Variants in SLA2 observed in about 807,000 individuals in gnomAD.
SLA2 encodes the protein src-like-adapter 2.
SLA2 carries 22 observed loss-of-function variants against 27.3 expected under a neutral mutation model. The ratio of observed to expected loss-of-function variants is 0.81; its 90% CI spans 0.58 to 1.15. The LOEUF (loss-of-function observed/expected upper bound fraction) is 1.15. Ranked by LOEUF, SLA2 falls within the 50% of genes most tolerant of loss-of-function variation. The probability of loss-of-function intolerance (pLI) is 0.00; values close to 1 mark genes in which losing one functional copy is unlikely to be tolerated. For missense variants in SLA2, 304 were observed against 322.2 expected (o/e 0.94, Z 0.43); for synonymous variants, 131 against 137.8 (o/e 0.95, Z 0.34).
chr20:36,643,895 TGA>T (rs1978285609), intron 1 of SLA2, among the ~76,000 whole-genome samples: 2 of 152,062 alleles, frequency 1.3e-5, no homozygotes, highest in Admixed American at 6.6e-5. Context: ...GGGGCTGCAG[TGA>T]GCCGAGATTG....
rs1388685449 is a variant in SLA2, at chr20:36,636,619, AAAAAATATATATAT to A, written c.92-2044_92-2031del. Among the ~76,000 whole-genome samples the A allele has an allele frequency of 7.1e-3, 906 of 126,880 alleles. 13 individuals are homozygous for A. The highest frequency in any genetic ancestry group is 0.03 in the African/African-American group (839 of 28,192). The allele number at this position is 126,880 out of a possible 152,430, so 83.2% of individuals were successfully genotyped here. On this transcript the variant is annotated intron_variant, in intron 2 of 7. Transcript: ENST00000262866. The stretch of plus-strand genomic sequence containing the variant: ...AAACTCCATCTCAAAAAGAAAAAAA[AAAAAATATATATAT>A]ATATATATATATATATATATGGTTG...
intron 5 of SLA2, 83 bp from the exon 6 acceptor site, chr20:36,615,457 C>T (rs149835692): frequency 1.5e-5 from 24 of 1,574,868 alleles, no homozygotes; most frequent in South Asian, 5.7e-5. Flanking sequence ...AGATAGGCAA[C>T]GTGACCATGG....
chr20:36,619,220 GAAAA>G (rs60021707), intron 5 of SLA2, among the ~76,000 whole-genome samples: 1 of 71,294 alleles, frequency 1.4e-5, no homozygotes, highest in Non-Finnish European at 2.7e-5. Context: ...GACTCTGGGG[GAAAA>G]AAAAAAAAAA....
rs2039195848 is a variant in SLA2, at chr20:36,615,304, G to A, written c.453C>T (p.His151=). 3 of 1,614,186 alleles carry A rather than the reference G, an allele frequency of 1.9e-6. No homozygotes were observed. The highest frequency in any genetic ancestry group is 2.5e-6 in the Non-Finnish European group (3 of 1,180,038). The part of the protein sequence containing the change: ...SWDRIRHYRI[H]CLDNGWLYIS... ...TGTACAGCCAGCCATTGTCAAGGCAGTGGATCCTGTAGTGTCTGATCCGGT... is the reference window on the plus strand; with the variant it reads ...TGTACAGCCAGCCATTGTCAAGGCAATGGATCCTGTAGTGTCTGATCCGGT... The change falls in exon 6 of 8, where the codon CAC becomes CAT. Residue 151 remains histidine, a synonymous_variant. Transcript: ENST00000262866.
At chr20:36,615,071 C>T in intron 6 of SLA2, 154 bp downstream of exon 6, 1 of 985,412 alleles carries the variant, frequency 1.0e-6, no homozygotes, top group Non-Finnish European at 1.2e-6. Flanking sequence ...TCCCAGCCTG[C>T]ATTTCTTGGC....
intron 5 of SLA2, chr20:36,621,201 T>C: frequency 2.1e-6 from 1 of 482,860 alleles, no homozygotes; most frequent in Non-Finnish European, 4.1e-6. Flanking sequence ...ATGGTGGCGG[T>C]GGCGGAGGAT....
chr20:36,614,063 T>C, intron 7 of SLA2, 77 bp from the exon 8 acceptor site: 1 of 1,581,172 alleles, frequency 6.3e-7, no homozygotes. Context: ...AATTGCACTG[T>C]TCTCAAAACC....
chr20:36,640,110 C>A (rs556304695), intron 2 of SLA2, among the ~76,000 whole-genome samples: 1 of 151,968 alleles, frequency 6.6e-6, no homozygotes, highest in Admixed American at 6.6e-5. Context: ...GAGTTCAAGA[C>A]CAGCCTGGGC....
chr20:36,633,263 C>T (rs1219883745), intron 4 of SLA2, among the ~76,000 whole-genome samples: 4 of 152,104 alleles, frequency 2.6e-5, no homozygotes, highest in Non-Finnish European at 5.9e-5. Flanking sequence ...CCATCTCCTA[C>T]GTGGACTTTT....
intron 5 of SLA2, chr20:36,621,443 T>C (rs1396804625): frequency 2.0e-5 from 10 of 497,532 alleles, no homozygotes; most frequent in Non-Finnish European, 3.8e-5. Flanking sequence ...AAAAAGGCTA[T>C]AGTGTTGTTT....
chr20:36,627,659 A>C (rs1272591758), intron 5 of SLA2, among the ~76,000 whole-genome samples: 1 of 152,214 alleles, frequency 6.6e-6, no homozygotes, highest in Non-Finnish European at 1.5e-5. Flanking sequence ...GCCTGTCCCT[A>C]ACCCTGTGCT....
chr20:36,624,893 CT>C (rs775409961), intron 5 of SLA2, among the ~76,000 whole-genome samples: 44 of 152,162 alleles, frequency 2.9e-4, no homozygotes, highest in Non-Finnish European at 5.4e-4. Flanking sequence ...GAGGAGGTGA[CT>C]TTGGTTCTGT....
At chr20:36,619,648 T>G (rs2039258496) in intron 5 of SLA2, among the ~76,000 whole-genome samples, 1 of 149,770 alleles carries the variant, frequency 6.7e-6, no homozygotes, top group African/African-American at 2.5e-5. Flanking sequence ...TTTTTTTTTT[T>G]GAGACAGAGT....
chr20:36,628,345 A>G (rs758025077), intron 5 of SLA2, among the ~76,000 whole-genome samples: 3 of 152,150 alleles, frequency 2.0e-5, no homozygotes, highest in Non-Finnish European at 2.9e-5. Context: ...TTATGACGCA[A>G]TGTTTACCCC....
chr20:36,614,345 T>C lies in SLA2; in HGVS notation c.625A>G (p.Thr209Ala). Residue 209 changes from threonine (T) to alanine (A), a missense_variant, in exon 7 of 8, where the codon ACT becomes GCT. Thr to Ala is a moderately conservative substitution (Grantham distance 58). Coordinates refer to ENST00000262866, the MANE Select transcript of SLA2 (RefSeq NM_032214.4). ...CAGTTGAGTGGTGTCCTCTGCACAG[T>C]CACAGGTAGGGGTATATCCTTGCCA... ...LPGKDIPLPV[T>A]VQRTPLNWKE... 1 of 1,614,150 alleles carries C rather than the reference T, an allele frequency of 6.2e-7. No individual in the cohort carries two copies. The highest frequency in any genetic ancestry group is 8.5e-7 in the Non-Finnish European group (1 of 1,180,026).
intron 5 of SLA2, among the ~76,000 whole-genome samples, chr20:36,632,172 G>A (rs906691990): frequency 3.3e-5 from 5 of 152,036 alleles, no homozygotes; most frequent in African/African-American, 4.8e-5. Context: ...TTCTCAGCTC[G>A]GCATCCAAGG....
Position 36,615,307 on chromosome 20 carries a change from G to C in SLA2, c.450C>G (p.Ile150Met), listed in dbSNP as rs778986526. 1 of 1,614,138 alleles carries C rather than the reference G, an allele frequency of 6.2e-7. No individual in the cohort carries two copies. The highest frequency in any genetic ancestry group is 2.2e-5 in the East Asian group (1 of 44,884). Residue 150 changes from isoleucine (I) to methionine (M), a missense_variant, in exon 6 of 8, where the codon ATC becomes ATG. By Grantham distance (10) the Ile-to-Met change is conservative. Coordinates refer to ENST00000262866, the MANE Select transcript of SLA2 (RefSeq NM_032214.4). Reference sequence around the variant, plus strand: ...ACAGCCAGCCATTGTCAAGGCAGTGGATCCTGTAGTGTCTGATCCGGTCCC... The same window carrying C: ...ACAGCCAGCCATTGTCAAGGCAGTGCATCCTGTAGTGTCTGATCCGGTCCC... ...ASWDRIRHYR[I>M]HCLDNGWLYI...
At chr20:36,637,844 A>G (rs11906247) in intron 2 of SLA2, among the ~76,000 whole-genome samples, 2,766 of 123,530 alleles carry the variant, frequency 0.022, 92 homozygotes, top group African/African-American at 0.081. Flanking sequence ...GTCCAGGTTG[A>G]TCTCGAACTC....
intron 2 of SLA2, among the ~76,000 whole-genome samples, chr20:36,640,007 T>A (rs1045146045): frequency 6.6e-6 from 1 of 152,046 alleles, no homozygotes; most frequent in Admixed American, 6.5e-5. Flanking sequence ...TTTTCCACCA[T>A]TAAGACAGCC....
Sources: allele counts gnomAD v4.1 joint callset (sites outside exome capture counted in the v4.1 genomes callset), GRCh38; gene constraint gnomAD v4.1.1; transcripts MANE v1.5; gene names NCBI Gene and HGNC (gene_info 2026-07-23, HGNC 2026-07-21).